RANBP2: variants seen among roughly 807,000 people sequenced by gnomAD.
RANBP2 encodes RAN binding protein 2, also known as E3 SUMO-protein ligase RanBP2.
RANBP2 carries 57 observed loss-of-function variants against 303.6 expected under a neutral mutation model. That is an observed-to-expected ratio of 0.19 (90% CI 0.15 to 0.23). The LOEUF (loss-of-function observed/expected upper bound fraction) is 0.23, where lower values mean the gene tolerates loss of function less well. Ranked by LOEUF, RANBP2 falls within the 10% of genes least tolerant of loss-of-function variation. RANBP2 has a pLI of 1.00. For missense variants in RANBP2, 3,138 were observed against 3,780.8 expected, an observed-to-expected ratio of 0.83 and a Z score of 4.46; for synonymous variants, 1,167 against 1,301.5, an observed-to-expected ratio of 0.90 and a Z score of 2.23.
At chr2:109,643,136 C>T in the RANBP2 span, among the ~76,000 whole-genome samples, 2 of 151,628 alleles carry the variant, frequency 1.3e-5, no homozygotes, top group East Asian at 1.9e-4. Context: ...GAGCTGTGAC[C>T]GTGCCACTGC....
the RANBP2 span, chr2:108,791,523 GT>G: frequency 1.2e-6 from 1 of 864,910 alleles, no homozygotes; most frequent in Non-Finnish European, 1.9e-6. Flanking sequence ...TAGTTTTTAC[GT>G]TTTTTCTTTT....
At chr2:109,152,128 G>C in the RANBP2 span, among the ~76,000 whole-genome samples, 1 of 152,202 alleles carries the variant, frequency 6.6e-6, no homozygotes, top group African/African-American at 2.4e-5. Flanking sequence ...TCTTTTTGGA[G>C]AGGATGAAAT....
At chr2:109,350,445 T>C in the RANBP2 span, among the ~76,000 whole-genome samples, 165 of 152,310 alleles carry the variant, frequency 1.1e-3, no homozygotes, top group African/African-American at 3.9e-3. Context: ...CCTCTGGGTG[T>C]GATCCCCAGA....
At chr2:109,152,395 GCAAAT>G in the RANBP2 span, among the ~76,000 whole-genome samples, 1 of 152,188 alleles carries the variant, frequency 6.6e-6, no homozygotes, top group Non-Finnish European at 1.5e-5. Context: ...GACATGTACA[GCAAAT>G]CAAATAAATA....
the RANBP2 span, among the ~76,000 whole-genome samples, chr2:108,843,927 G>A: frequency 9.6e-6 from 1 of 104,484 alleles, no homozygotes; most frequent in Non-Finnish European, 1.8e-5. Context: ...GTCTTGCTCT[G>A]TTGCCCAGGC....
At chr2:108,823,593 G>C in the RANBP2 span, among the ~76,000 whole-genome samples, 7 of 152,230 alleles carry the variant, frequency 4.6e-5, no homozygotes, top group East Asian at 1.3e-3. Flanking sequence ...CATTTGCTAT[G>C]CAGAATATCT....
the RANBP2 span, among the ~76,000 whole-genome samples, chr2:109,116,927 C>T: frequency 1.1e-4 from 17 of 152,238 alleles, no homozygotes; most frequent in Admixed American, 6.5e-4. Flanking sequence ...GTAACAGCAG[C>T]GGTGGCTGCA....
At chr2:109,606,671 GCTTTTT>G in the RANBP2 span, among the ~76,000 whole-genome samples, 94 of 95,248 alleles carry the variant, frequency 9.9e-4, no homozygotes, top group Non-Finnish European at 1.7e-3. Flanking sequence ...AAAATTTTAA[GCTTTTT>G]TTTTTTTTTT....
chr2:108,946,341 T>C, the RANBP2 span, among the ~76,000 whole-genome samples: 4 of 152,198 alleles, frequency 2.6e-5, no homozygotes, highest in African/African-American at 9.6e-5. Context: ...GTGTTCAGCA[T>C]TGCCCTGTGC....
the RANBP2 span, among the ~76,000 whole-genome samples, chr2:109,155,335 C>G: frequency 1.3e-5 from 2 of 152,306 alleles, no homozygotes; most frequent in African/African-American, 2.4e-5. Flanking sequence ...GAGTCTCGCT[C>G]TGTTGCCCAG....
the RANBP2 span, among the ~76,000 whole-genome samples, chr2:109,599,523 A>G: frequency 6.6e-6 from 1 of 151,968 alleles, no homozygotes; most frequent in Non-Finnish European, 1.5e-5. Flanking sequence ...AGGCAGCAGC[A>G]AGTTGGCCTC....
chr2:109,358,519 G>A, the RANBP2 span, among the ~76,000 whole-genome samples: 7 of 152,266 alleles, frequency 4.6e-5, no homozygotes, highest in Admixed American at 3.3e-4. Context: ...TCTGCCAGCC[G>A]TGAATGAGCG....
chr2:109,194,657 T>A, the RANBP2 span, among the ~76,000 whole-genome samples: 1 of 152,204 alleles, frequency 6.6e-6, no homozygotes, highest in Non-Finnish European at 1.5e-5. Context: ...GAGATGGGTT[T>A]GGTGATCAGC....
chr2:109,565,771 A>G, the RANBP2 span: 1 of 1,613,602 alleles, frequency 6.2e-7, no homozygotes, highest in South Asian at 1.1e-5. Flanking sequence ...ACCTTGTACA[A>G]CACCCCAAGG....
the RANBP2 span, among the ~76,000 whole-genome samples, chr2:109,426,117 C>T: frequency 6.6e-6 from 1 of 152,162 alleles, no homozygotes; most frequent in African/African-American, 2.4e-5. Flanking sequence ...CCATGTTGGC[C>T]AGGCTGGTGT....
At chr2:108,769,431 GAAGT>G (rs1289490989) in intron 20 of RANBP2, 2 of 925,432 alleles carry the variant, frequency 2.2e-6, no homozygotes, top group African/African-American at 3.6e-5. Context: ...TGTATGAAAT[GAAGT>G]ACTTACCACT....
chr2:109,686,046 C>G, the RANBP2 span, among the ~76,000 whole-genome samples: 1 of 152,124 alleles, frequency 6.6e-6, no homozygotes, highest in Non-Finnish European at 1.5e-5. Flanking sequence ...TTAGAATTTC[C>G]TTGTCTCCCA....
At chr2:109,217,672 CG>C in the RANBP2 span, among the ~76,000 whole-genome samples, 1 of 152,224 alleles carries the variant, frequency 6.6e-6, no homozygotes, top group Admixed American at 6.5e-5. Flanking sequence ...GCTCTCTCAC[CG>C]GCTAGAAGAC....
chr2:108,831,521 AT>A, the RANBP2 span, among the ~76,000 whole-genome samples: 2 of 152,224 alleles, frequency 1.3e-5, no homozygotes, highest in African/African-American at 2.4e-5. Context: ...TTTCATGAAA[AT>A]ATGAAATGGC....
Sources: gnomAD v4.1 joint callset for allele counts (sites outside exome capture counted in the v4.1 genomes callset) on GRCh38, gnomAD v4.1.1 for gene constraint, MANE v1.5 for transcripts, NCBI Gene and HGNC (gene_info 2026-07-23, HGNC 2026-07-21) for gene names.